Variants in MGST2 observed in about 807,000 individuals in gnomAD.
MGST2 encodes the protein microsomal glutathione S-transferase 2.
Under a neutral mutation model 16.6 loss-of-function variants are expected in MGST2, and 9 were observed. That is an observed-to-expected ratio of 0.54 (90% CI 0.33 to 0.95). MGST2 has a LOEUF of 0.95. Ranked by LOEUF, MGST2 falls within the 40% of genes least tolerant of loss-of-function variation. The pLI is 0.03. For synonymous variants in MGST2, 79 were observed against 68.0 expected (o/e 1.16, Z -0.79); for missense variants, 159 against 175.1 (o/e 0.91, Z 0.52).
the MGST2 span, among the ~76,000 whole-genome samples, chr4:139,749,639 G>T: frequency 6.6e-6 from 1 of 152,226 alleles, no homozygotes; most frequent in Non-Finnish European, 1.5e-5. Flanking sequence ...CCACATTTGT[G>T]TTGCACAATT....
intron 5 of MGST2, among the ~76,000 whole-genome samples, chr4:139,712,283 G>GT (rs1346454082): frequency 6.6e-6 from 1 of 152,196 alleles, no homozygotes; most frequent in African/African-American, 2.4e-5. Context: ...CTGAGCAGCA[G>GT]TTAGAGATCA....
At chr4:139,684,404 G>A (rs1334578264) in intron 2 of MGST2, among the ~76,000 whole-genome samples, 1 of 152,202 alleles carries the variant, frequency 6.6e-6, no homozygotes, top group Non-Finnish European at 1.5e-5. Context: ...AAAGAGGACT[G>A]AGCCCTGATG....
At chr4:139,666,262 C>T (rs1302546252) in intron 1 of MGST2, among the ~76,000 whole-genome samples, 185 bp downstream of exon 1, 1 of 151,958 alleles carries the variant, frequency 6.6e-6, no homozygotes, top group Non-Finnish European at 1.5e-5. Flanking sequence ...CGCCTGCTAC[C>T]CTCCTTCCCA....
At position 139,720,076 on chromosome 4, in the gene MGST2, A is replaced by G. The variant is rs190265322; in HGVS notation, c.*48+15880A>G. 1,018 of 1,614,032 alleles carry G rather than the reference A, an allele frequency of 6.3e-4. 6 individuals carry two copies. In the African/African-American group the frequency reaches 0.012, roughly 19 times the overall value. On this transcript the variant is annotated intron_variant, in intron 5 of 5. Transcript: ENST00000616265. ...CTTGGTTATGTGTGATGCTCATGCC[A>G]CTTTGGTTTGGATGCTGCAACATTT...
the MGST2 span, among the ~76,000 whole-genome samples, chr4:139,745,999 A>G: frequency 6.6e-5 from 10 of 152,350 alleles, no homozygotes; most frequent in South Asian, 1.7e-3. Context: ...CATTCACTCA[A>G]CTTTTTTCAA....
At chr4:139,676,703 A>T (rs976376787) in intron 1 of MGST2, among the ~76,000 whole-genome samples, 1 of 152,248 alleles carries the variant, frequency 6.6e-6, no homozygotes. Context: ...ACCGTATGCT[A>T]GCCAAGCTGA....
At chr4:139,743,434 T>C (rs1418081788), downstream of MGST2, among the ~76,000 whole-genome samples, 1 of 152,246 alleles carries the variant, frequency 6.6e-6, no homozygotes, top group African/African-American at 2.4e-5. Flanking sequence ...AATAATTACT[T>C]TCCCCTTTGT....
intron 5 of MGST2, among the ~76,000 whole-genome samples, chr4:139,716,279 A>G (rs1560763703): frequency 1.3e-5 from 2 of 152,196 alleles, no homozygotes; most frequent in East Asian, 1.9e-4. Flanking sequence ...TTTGAGATGC[A>G]AAGAAGTGGC....
the MGST2 span, among the ~76,000 whole-genome samples, chr4:139,752,391 A>G: frequency 6.6e-6 from 1 of 152,184 alleles, no homozygotes; most frequent in Non-Finnish European, 1.5e-5. Context: ...CAGGTCTAGC[A>G]TGGCGGACCC....
At chr4:139,682,715 A>G (rs1731321453) in intron 2 of MGST2, among the ~76,000 whole-genome samples, 1 of 152,220 alleles carries the variant, frequency 6.6e-6, no homozygotes, top group Admixed American at 6.5e-5. Context: ...AAATGCATTT[A>G]GAATTCCAGG....
intron 1 of MGST2, among the ~76,000 whole-genome samples, chr4:139,671,952 C>T (rs1443928097): frequency 6.6e-6 from 1 of 151,982 alleles, no homozygotes; most frequent in Non-Finnish European, 1.5e-5. Context: ...CCACTCTCAT[C>T]ATATTATTCC....
At chr4:139,702,227 C>A (rs754118240) in intron 3 of MGST2, among the ~76,000 whole-genome samples, 1 of 152,096 alleles carries the variant, frequency 6.6e-6, no homozygotes, top group African/African-American at 2.4e-5. Context: ...TAATAAAATG[C>A]ATAAATCTTC....
intron 5 of MGST2, among the ~76,000 whole-genome samples, chr4:139,714,792 C>T (rs1727878266): frequency 1.3e-5 from 2 of 151,942 alleles, no homozygotes; most frequent in South Asian, 4.2e-4. Flanking sequence ...AAAGAACCAC[C>T]CATTGCAGCG....
chr4:139,667,989 G>C (rs1730461777), intron 1 of MGST2, among the ~76,000 whole-genome samples: 1 of 152,174 alleles, frequency 6.6e-6, no homozygotes, highest in South Asian at 2.1e-4. Flanking sequence ...CTGCCCAAAG[G>C]GGTCTGGCTA....
intron 4 of MGST2, 41 bp from the exon 5 acceptor site, chr4:139,703,975 A>G: frequency 6.2e-7 from 1 of 1,613,354 alleles, no homozygotes; most frequent in Non-Finnish European, 8.5e-7. Context: ...TCCTTATTAC[A>G]GTCCAGTTTG....
chr4:139,666,041 C>T lies in MGST2; in HGVS notation c.22C>T (p.Leu8=), dbSNP rs143365805. The T allele has an allele frequency of 6.2e-7, 1 of 1,613,952 alleles. No homozygotes were observed. The highest frequency in any genetic ancestry group is 8.5e-7 in the Non-Finnish European group (1 of 1,180,030). MAGNSIL[L]AAVSILSACQ... ...AAAGATGGCCGGGAACTCGATCCTG[C>T]TGGCTGCTGTCTCTATTCTCTCGGC... The change falls in exon 1 of 5, where the codon CTG becomes TTG. Residue 8 remains leucine (L), a synonymous_variant. Coordinates refer to ENST00000265498, the MANE Select transcript of MGST2 (RefSeq NM_002413.5).
intron 5 of MGST2, among the ~76,000 whole-genome samples, chr4:139,737,062 AG>A (rs1728974177): frequency 6.6e-6 from 1 of 152,156 alleles, no homozygotes; most frequent in African/African-American, 2.4e-5. Flanking sequence ...TGTGCTGTGG[AG>A]GCTGAGGAGC....
intron 3 of MGST2, chr4:139,698,538 T>C: frequency 9.5e-7 from 1 of 1,052,596 alleles, no homozygotes; most frequent in Admixed American, 1.9e-5. Context: ...GCGGGCAGTC[T>C]GCTTTGTACG....
intron 1 of MGST2, among the ~76,000 whole-genome samples, chr4:139,667,880 G>T (rs1730455403): frequency 1.3e-5 from 2 of 152,056 alleles, no homozygotes; most frequent in Non-Finnish European, 1.5e-5. Flanking sequence ...AGATGTTGAT[G>T]AAGAGTTGAA....
Sources: allele counts gnomAD v4.1 joint callset (sites outside exome capture counted in the v4.1 genomes callset), GRCh38; gene constraint gnomAD v4.1.1; transcripts MANE v1.5; gene names NCBI Gene and HGNC (gene_info 2026-07-23, HGNC 2026-07-21).